RUNX1T1: variants seen among roughly 807,000 people sequenced by gnomAD.
RUNX1T1 encodes RUNX1 partner transcriptional co-repressor 1, also known as protein CBFA2T1.
In RUNX1T1, 4 loss-of-function variants were observed where a neutral mutation model predicts 62.8. The observed-to-expected ratio is 0.06, with a 90% CI of 0.03 to 0.15. RUNX1T1 has a LOEUF of 0.15. RUNX1T1 is among the 10% of genes least tolerant of loss of function. RUNX1T1 has a pLI of 1.00. For missense variants in RUNX1T1, 508 were observed against 754.3 expected, an observed-to-expected ratio of 0.67 and a Z score of 3.82; for synonymous variants, 291 against 286.0, an observed-to-expected ratio of 1.02 and a Z score of -0.18.
intron 3 of RUNX1T1, 24 bp downstream of exon 4, chr8:92,014,555 C>G: frequency 1.3e-6 from 2 of 1,571,302 alleles, no homozygotes; most frequent in Non-Finnish European, 1.7e-6. Flanking sequence ...ACCAAGAAAA[C>G]TGGGTTGGTT....
intron 1 of RUNX1T1, among the ~76,000 whole-genome samples, chr8:92,026,231 C>T (rs1825122442): frequency 6.6e-6 from 1 of 152,116 alleles, no homozygotes; most frequent in Admixed American, 6.5e-5. Flanking sequence ...ACAACAAAAC[C>T]CTATTAGGAT....
At chr8:92,027,115 C>CA (rs71563484) in intron 1 of RUNX1T1, among the ~76,000 whole-genome samples, 1,150 of 73,446 alleles carry the variant, frequency 0.016, 8 homozygotes, top group African/African-American at 0.024. Flanking sequence ...AACTCCGTCT[C>CA]AAAAAAAAAA....
chr8:92,082,087 G>A (rs1272343559), intron 1 of RUNX1T1, among the ~76,000 whole-genome samples: 5 of 151,866 alleles, frequency 3.3e-5, no homozygotes, highest in Non-Finnish European at 5.9e-5. Flanking sequence ...GGATTTTGCC[G>A]TGTTAGCCAG....
At chr8:91,972,745 T>G (rs1813114245) in intron 9 of RUNX1T1, among the ~76,000 whole-genome samples, 1 of 152,088 alleles carries the variant, frequency 6.6e-6, no homozygotes, top group Non-Finnish European at 1.5e-5. Context: ...ATTCCTATTC[T>G]AATCCCACAG....
chr8:92,013,978 T>C (rs1822493551), intron 3 of RUNX1T1, among the ~76,000 whole-genome samples: 1 of 152,108 alleles, frequency 6.6e-6, no homozygotes, highest in African/African-American at 2.4e-5. Context: ...AATGTGAATA[T>C]ACATAATGCC....
upstream of RUNX1T1, among the ~76,000 whole-genome samples, chr8:92,101,669 G>A (rs775733716): frequency 1.3e-5 from 2 of 152,182 alleles, no homozygotes; most frequent in Non-Finnish European, 2.9e-5. Flanking sequence ...GCTATTTTTA[G>A]TAACAGTTGT....
chr8:92,015,315 C>T (rs1244166378), intron 2 of RUNX1T1, among the ~76,000 whole-genome samples: 1 of 152,162 alleles, frequency 6.6e-6, no homozygotes. Context: ...ATAGGACTTT[C>T]AAGTTTTAAC....
At chr8:92,057,203 C>T (rs189871616) in intron 1 of RUNX1T1, among the ~76,000 whole-genome samples, 80 of 152,230 alleles carry the variant, frequency 5.3e-4, no homozygotes, top group African/African-American at 1.8e-3. Context: ...AGAACTCTAC[C>T]TTCTATGCTA....
chr8:92,017,946 T>C (rs1247693105), intron 1 of RUNX1T1, among the ~76,000 whole-genome samples: 1 of 152,186 alleles, frequency 6.6e-6, no homozygotes, highest in African/African-American at 2.4e-5. Flanking sequence ...GTGAAATGTG[T>C]TATACAATGA....
chr8:92,016,842 AAAT>A (rs1823109534), intron 2 of RUNX1T1, among the ~76,000 whole-genome samples: 1 of 152,238 alleles, frequency 6.6e-6, no homozygotes, highest in South Asian at 2.1e-4. Context: ...AGTAACCTAG[AAAT>A]AATAATAGCA....
chr8:92,035,592 A>G (rs1440779309), intron 1 of RUNX1T1, among the ~76,000 whole-genome samples: 2 of 152,144 alleles, frequency 1.3e-5, no homozygotes, highest in African/African-American at 4.8e-5. Flanking sequence ...TCAATTTCAT[A>G]TTTATCATTT....
At position 91,975,979 on chromosome 8, in the gene RUNX1T1, A is replaced by G. The variant is rs1813841294; in HGVS notation, c.1199-6T>C. 5.6e-6 allele frequency: 9 copies of G among 1,608,958 alleles called. No individual in the cohort carries two copies. The highest frequency in any genetic ancestry group is 6.8e-6 in the Non-Finnish European group (8 of 1,175,358). ...AAGGAATTCCCGATGCGCGTCTATG[A>G]AAAGGATGGGAAGGGGGTGGAGAGA... On this transcript the variant is annotated splice_region_variant and splice_polypyrimidine_tract_variant and intron_variant, in intron 8 of 10. Coordinates refer to ENST00000396218, the Ensembl canonical transcript of RUNX1T1.
intron 9 of RUNX1T1, among the ~76,000 whole-genome samples, chr8:91,972,221 G>A (rs907675124): frequency 1.3e-5 from 2 of 152,034 alleles, no homozygotes; most frequent in Non-Finnish European, 2.9e-5. Context: ...CAATTCCTCT[G>A]GTTTATTTCA....
intron 1 of RUNX1T1, among the ~76,000 whole-genome samples, chr8:92,099,320 TTGAA>T (rs1163820091): frequency 1.3e-5 from 2 of 152,256 alleles, no homozygotes. Flanking sequence ...ATTCTCAAAG[TTGAA>T]TGAGTTCATT....
chr8:92,075,847 G>T, intron 2 of RUNX1T1, 118 bp downstream of exon 2: 1 of 854,966 alleles, frequency 1.2e-6, no homozygotes, highest in Non-Finnish European at 1.8e-6. Context: ...AATAGAACAG[G>T]CACTAGAAGA....
At chr8:91,980,637 T>C (rs1275609146) in intron 8 of RUNX1T1, among the ~76,000 whole-genome samples, 1 of 152,202 alleles carries the variant, frequency 6.6e-6, no homozygotes, top group Non-Finnish European at 1.5e-5. Context: ...TTTACCACTA[T>C]TCTTTAAAGT....
At chr8:91,968,630 A>G (rs1437194953) in intron 10 of RUNX1T1, among the ~76,000 whole-genome samples, 1 of 152,208 alleles carries the variant, frequency 6.6e-6, no homozygotes, top group African/African-American at 2.4e-5. Context: ...CTTGCACTTT[A>G]AAGAATAAGA....
chr8:91,991,615 A>C (rs762620667), intron 6 of RUNX1T1, 24 bp downstream of exon 7: 2 of 1,602,736 alleles, frequency 1.2e-6, no homozygotes, highest in South Asian at 2.2e-5. Context: ...TCCCGTAAGA[A>C]GTGAACAGGT....
chr8:92,052,675 G>A (rs1310435650), intron 1 of RUNX1T1, among the ~76,000 whole-genome samples: 1 of 152,080 alleles, frequency 6.6e-6, no homozygotes, highest in African/African-American at 2.4e-5. Context: ...ATCCTCTGAG[G>A]GCTTGTTCAA....
Sources: allele counts gnomAD v4.1 joint callset (sites outside exome capture counted in the v4.1 genomes callset), GRCh38; gene constraint gnomAD v4.1.1; transcripts MANE v1.5; gene names NCBI Gene and HGNC (gene_info 2026-07-23, HGNC 2026-07-21).